Variants in CSRNP3 observed in about 807,000 individuals in gnomAD.
CSRNP3 encodes the protein cysteine/serine-rich nuclear protein 3.
A neutral mutation model predicts 48.0 loss-of-function variants in CSRNP3; 12 were observed. The observed-to-expected ratio is 0.25, with a 90% confidence interval of 0.16 to 0.41. CSRNP3 has a LOEUF of 0.41. Ranked by LOEUF, CSRNP3 falls within the 10% of genes least tolerant of loss-of-function variation. CSRNP3 has a pLI of 1.00. For synonymous variants in CSRNP3, 263 were observed against 269.7 expected (o/e 0.98, Z 0.24); for missense variants, 580 against 724.4 (o/e 0.80, Z 2.29).
chr2:165,550,874 G>T (rs182829537), intron 3 of CSRNP3, among the ~76,000 whole-genome samples: 1 of 152,238 alleles, frequency 6.6e-6, no homozygotes, highest in African/African-American at 2.4e-5. Flanking sequence ...AGCCATTTGG[G>T]AACATGATGG....
At chr2:165,634,469 G>A (rs538086031) in intron 4 of CSRNP3, among the ~76,000 whole-genome samples, 2 of 152,194 alleles carry the variant, frequency 1.3e-5, no homozygotes, top group African/African-American at 2.4e-5. Context: ...TAAGACCGGC[G>A]AAGGGCCCTG....
At chr2:165,628,383 T>C (rs1053260324) in intron 4 of CSRNP3, among the ~76,000 whole-genome samples, 43 of 152,300 alleles carry the variant, frequency 2.8e-4, no homozygotes, top group African/African-American at 9.9e-4. Context: ...ATCTGCAACA[T>C]TTCTCCTCAT....
intron 2 of CSRNP3, among the ~76,000 whole-genome samples, chr2:165,501,535 A>G (rs1293152089): frequency 6.6e-6 from 1 of 152,160 alleles, no homozygotes; most frequent in Non-Finnish European, 1.5e-5. Flanking sequence ...TTTCCCCCAC[A>G]TTGCTGAATG....
chr2:165,510,449 G>A (rs1398084816), intron 2 of CSRNP3, among the ~76,000 whole-genome samples: 1 of 151,950 alleles, frequency 6.6e-6, no homozygotes, highest in Non-Finnish European at 1.5e-5. Context: ...TCTGACCATT[G>A]AGAGCTCTTT....
At chr2:165,655,613 T>C (rs1003645523) in intron 4 of CSRNP3, among the ~76,000 whole-genome samples, 6 of 152,168 alleles carry the variant, frequency 3.9e-5, no homozygotes, top group Non-Finnish European at 8.8e-5. Flanking sequence ...ACAAACAAGA[T>C]GACTTACTAC....
chr2:165,638,134 A>C (rs937794451), intron 4 of CSRNP3, among the ~76,000 whole-genome samples: 7 of 152,208 alleles, frequency 4.6e-5, no homozygotes, highest in Admixed American at 3.3e-4. Flanking sequence ...TTTCATTATT[A>C]TATTTAACTT....
chr2:165,555,137 G>A (rs1685145403), intron 3 of CSRNP3, among the ~76,000 whole-genome samples: 1 of 152,134 alleles, frequency 6.6e-6, no homozygotes, highest in Non-Finnish European at 1.5e-5. Flanking sequence ...GAAAAGAATT[G>A]CTTACCACCC....
chr2:165,602,639 C>T (rs1184886654), intron 4 of CSRNP3, among the ~76,000 whole-genome samples: 2 of 152,154 alleles, frequency 1.3e-5, no homozygotes, highest in Non-Finnish European at 2.9e-5. Context: ...GTTATCAGAT[C>T]ATCTGTCTGC....
chr2:165,512,400 A>G (rs185506197), intron 2 of CSRNP3, among the ~76,000 whole-genome samples: 1 of 152,294 alleles, frequency 6.6e-6, no homozygotes, highest in Admixed American at 6.5e-5. Flanking sequence ...ACCTCTTCCT[A>G]TGCCTTTAAA....
Position 165,648,470 on chromosome 2 carries a change from T to A in CSRNP3, c.149-9291T>A, listed in dbSNP as rs527809055. Among the ~76,000 whole-genome samples the A allele has an allele frequency of 8.5e-5, 13 of 152,254 alleles. 1 individual carries two copies. The South Asian group carries it at 2.7e-3, about 32-fold the overall frequency. ...AAGTCAATTAGATATAAAAATTATT[T>A]ATAAAAGATAAAATAATTTTTTAAA... On this transcript the variant is annotated intron_variant, in intron 4 of 6. Coordinates refer to ENST00000651982, the MANE Select transcript of CSRNP3 (RefSeq NM_001172173.2).
chr2:165,641,153 C>G (rs912521303), intron 4 of CSRNP3, among the ~76,000 whole-genome samples: 24 of 152,072 alleles, frequency 1.6e-4, no homozygotes, highest in African/African-American at 5.1e-4. Context: ...ATAATGGAAA[C>G]CTATTGCTGT....
At chr2:165,606,097 C>A (rs1184008774) in intron 4 of CSRNP3, among the ~76,000 whole-genome samples, 1 of 151,016 alleles carries the variant, frequency 6.6e-6, no homozygotes, top group East Asian at 1.9e-4. Flanking sequence ...TCCCAATGAA[C>A]TAAAAATCTA....
At position 165,581,413 on chromosome 2, in the gene CSRNP3, T is replaced by C. The variant is rs552338347; in HGVS notation, c.-23-13630T>C. Among the ~76,000 whole-genome samples, 36 of 152,230 alleles carry C rather than the reference T, an allele frequency of 2.4e-4. No homozygotes were observed. In the South Asian group the frequency reaches 7.5e-3, roughly 32 times the overall value. ...TAGCCATTGGGGTGAAGGAAGTGGGTATGAACAATTTAGAGGCATCAGTCT... is the reference window on the plus strand; with the variant it reads ...TAGCCATTGGGGTGAAGGAAGTGGGCATGAACAATTTAGAGGCATCAGTCT... On this transcript the variant is annotated intron_variant, in intron 3 of 6. Coordinates refer to ENST00000651982, the MANE Select transcript of CSRNP3 (RefSeq NM_001172173.2).
At chr2:165,649,359 T>C (rs909844669) in intron 4 of CSRNP3, among the ~76,000 whole-genome samples, 1 of 152,244 alleles carries the variant, frequency 6.6e-6, no homozygotes, top group Non-Finnish European at 1.5e-5. Flanking sequence ...GTGAATATTT[T>C]CAATTTCATA....
chr2:165,557,799 T>G (rs1558933827), intron 3 of CSRNP3, among the ~76,000 whole-genome samples: 1 of 152,210 alleles, frequency 6.6e-6, no homozygotes, highest in Non-Finnish European at 1.5e-5. Flanking sequence ...TATAAGCACA[T>G]TCCTAGAAAC....
At chr2:165,500,355 G>A (rs992252223) in intron 2 of CSRNP3, among the ~76,000 whole-genome samples, 4 of 147,612 alleles carry the variant, frequency 2.7e-5, no homozygotes, top group African/African-American at 1.0e-4. Flanking sequence ...ATATGTATAT[G>A]TATACATACA....
At chr2:165,625,689 AC>A in intron 4 of CSRNP3, among the ~76,000 whole-genome samples, 1 of 151,020 alleles carries the variant, frequency 6.6e-6, no homozygotes, top group East Asian at 2.0e-4. Context: ...GGTGACTCAC[AC>A]CTGCAATCCT....
At chr2:165,521,762 A>C (rs1684665247) in intron 3 of CSRNP3, among the ~76,000 whole-genome samples, 2 of 152,188 alleles carry the variant, frequency 1.3e-5, no homozygotes, top group Admixed American at 6.5e-5. Flanking sequence ...TGTCCTTTGC[A>C]ATGTAGGGCG....
At chr2:165,486,004 G>A (rs371671587) in intron 1 of CSRNP3, among the ~76,000 whole-genome samples, 2 of 151,962 alleles carry the variant, frequency 1.3e-5, no homozygotes, top group African/African-American at 4.8e-5. Context: ...CGCAGAAGAC[G>A]GGTGATTTCT....
Sources: gnomAD v4.1 joint callset for allele counts (sites outside exome capture counted in the v4.1 genomes callset) on GRCh38, gnomAD v4.1.1 for gene constraint, MANE v1.5 for transcripts, NCBI Gene and HGNC (gene_info 2026-07-23, HGNC 2026-07-21) for gene names.